The following EYS variants were observed in gnomAD, a reference collection of about 807,000 sequenced individuals.
EYS encodes protein eyes shut homolog.
EYS carries 250 observed loss-of-function variants against 282.1 expected under a neutral mutation model. The ratio of observed to expected loss-of-function variants is 0.89; its 90% CI spans 0.80 to 0.98. The LOEUF (loss-of-function observed/expected upper bound fraction) is 0.98, where lower values mean the gene tolerates loss of function less well. Among genes scored for constraint, EYS ranks in the 50% least tolerant of loss-of-function variants. The pLI is 0.00. For missense variants in EYS, 4,016 were observed against 3,709.0 expected, an observed-to-expected ratio of 1.08 and a Z score of -2.15; for synonymous variants, 1,355 against 1,282.9, an observed-to-expected ratio of 1.06 and a Z score of -1.20.
chr6:64,629,781 A>C (rs1767722145), intron 22 of EYS, among the ~76,000 whole-genome samples: 1 of 152,148 alleles, frequency 6.6e-6, no homozygotes, highest in African/African-American at 2.4e-5. Context: ...TTTTTCAAAA[A>C]TAGTAGAGGG....
Position 63,908,012 on chromosome 6 carries a change from G to GTATATATA in EYS, c.7056-43662_7056-43655dup, listed in dbSNP as rs57451331. The stretch of plus-strand genomic sequence containing the variant: ...TACACACACACACACACACACAAAC[G>GTATATATA]TATATATATATATATATATACGTTT... On this transcript the variant is annotated intron_variant, in intron 35 of 42. Transcript: ENST00000503581. Among the ~76,000 whole-genome samples, 1,194 of 131,128 alleles carry GTATATATA rather than the reference G, an allele frequency of 9.1e-3. 16 individuals are homozygous for GTATATATA. Among genetic ancestry groups the GTATATATA allele is most frequent in the African/African-American group, 0.031 (1,077 of 34,684 alleles). 86.0% of individuals were successfully genotyped at this position (131,128 alleles called of 152,430 possible).
chr6:64,201,121 G>A (rs1452456424), intron 31 of EYS, among the ~76,000 whole-genome samples: 1 of 152,046 alleles, frequency 6.6e-6, no homozygotes, highest in Non-Finnish European at 1.5e-5. Flanking sequence ...TTTGCCAGAT[G>A]AAGGAGAGTT....
chr6:64,553,378 T>G (rs1002791416), intron 26 of EYS, among the ~76,000 whole-genome samples: 9 of 152,162 alleles, frequency 5.9e-5, no homozygotes, highest in African/African-American at 2.2e-4. Context: ...AGCTTTCTAT[T>G]TATAGTATGC....
At chr6:64,923,092 T>C (rs1194720409) in intron 15 of EYS, among the ~76,000 whole-genome samples, 1 of 151,974 alleles carries the variant, frequency 6.6e-6, no homozygotes, top group Non-Finnish European at 1.5e-5. Flanking sequence ...CTTCTGGGTA[T>C]GTTTAGTGGC....
At chr6:63,975,919 A>C (rs1335639114) in intron 35 of EYS, among the ~76,000 whole-genome samples, 2 of 151,916 alleles carry the variant, frequency 1.3e-5, no homozygotes. Context: ...ACTTATACAA[A>C]CCCAGATGGC....
chr6:63,721,903 A>C lies in EYS; in HGVS notation c.8234-106T>G, dbSNP rs980695759. The C allele has an allele frequency of 1.4e-5, 14 of 1,008,206 alleles. No individual in the cohort carries two copies. In the Admixed American group the frequency reaches 2.6e-4, roughly 18 times the overall value. 62.5% of individuals were successfully genotyped at this position (1,008,206 alleles called of 1,614,324 possible). On this transcript the variant is annotated intron_variant, in intron 42 of 42. Transcript: ENST00000503581. ...GATAAGTTTTAGTTATGGGGAAAAA[A>C]GTAACAGATCTTGAGCACAATTGTG...
intron 31 of EYS, among the ~76,000 whole-genome samples, chr6:64,228,532 T>TC (rs1766319727): frequency 6.6e-6 from 1 of 152,182 alleles, no homozygotes; most frequent in Non-Finnish European, 1.5e-5. Flanking sequence ...TGTCTGATTA[T>TC]CATGTACTTT....
chr6:65,647,079 AC>A (rs764850610), intron 1 of EYS, among the ~76,000 whole-genome samples: 1 of 152,160 alleles, frequency 6.6e-6, no homozygotes, highest in Non-Finnish European at 1.5e-5. Context: ...CATGAAAATG[AC>A]CATACTGCCA....
chr6:64,842,270 G>A (rs1385524416), intron 19 of EYS, among the ~76,000 whole-genome samples: 1 of 151,182 alleles, frequency 6.6e-6, no homozygotes, highest in Non-Finnish European at 1.5e-5. Context: ...GATTGATCTG[G>A]TATGCCATTA....
intron 9 of EYS, among the ~76,000 whole-genome samples, chr6:65,352,702 C>T (rs1431120795): frequency 1.3e-5 from 2 of 151,894 alleles, no homozygotes; most frequent in African/African-American, 2.4e-5. Flanking sequence ...AACTCCCTAG[C>T]TTTTTTCCTT....
At chr6:65,012,619 G>T (rs1583396689) in intron 13 of EYS, among the ~76,000 whole-genome samples, 1 of 151,990 alleles carries the variant, frequency 6.6e-6, no homozygotes, top group African/African-American at 2.4e-5. Context: ...AATTACAAAA[G>T]CCAAGTGTCC....
In EYS at chr6:64,000,168, CTTTTTTTTTTTTTTTTTTTTT is replaced by C. The variant is rs71551553; in HGVS notation, c.6726-1006_6726-986del. Among the ~76,000 whole-genome samples, 306 of 42,724 alleles carry C rather than the reference CTTTTTTTTTTTTTTTTTTTTT, an allele frequency of 7.2e-3. 4 individuals carry two copies. The highest frequency in any genetic ancestry group is 0.012 in the Non-Finnish European group (262 of 22,768). The allele number at this position is 42,724 out of a possible 152,430, so 28.0% of individuals were successfully genotyped here. ...CTGAGGAGTTTCCCAAGACATGGGA[CTTTTTTTTTTTTTTTTTTTTT>C]TTTTTTTTTTTTTTTTTTTTTAGAC... is the stretch of plus-strand genomic sequence containing the variant. On this transcript the variant is annotated intron_variant, in intron 33 of 42. Transcript: ENST00000503581.
intron 19 of EYS, among the ~76,000 whole-genome samples, chr6:64,861,876 C>T (rs1347942951): frequency 2.6e-5 from 4 of 152,122 alleles, no homozygotes; most frequent in Admixed American, 2.0e-4. Flanking sequence ...TCTTTCTTTA[C>T]ATAGATTTTG....
intron 34 of EYS, among the ~76,000 whole-genome samples, chr6:63,990,960 A>G (rs1258421469): frequency 2.0e-5 from 3 of 151,642 alleles, no homozygotes; most frequent in Non-Finnish European, 4.4e-5. Context: ...TCAGAATGTT[A>G]CAAGAGACTA....
intron 1 of EYS, among the ~76,000 whole-genome samples, chr6:65,649,298 A>G (rs759527250): frequency 2.6e-5 from 4 of 152,034 alleles, no homozygotes; most frequent in Non-Finnish European, 5.9e-5. Context: ...ACGCCTTTTC[A>G]AAGACCTTAA....
In EYS at chr6:64,902,134, G is replaced by A; in HGVS notation, c.2825C>T (p.Thr942Ile). Residue 942 changes from threonine (T) to isoleucine (I), a missense_variant, in exon 18 of 43, where the codon ACA (threonine) becomes ATA (isoleucine). Coordinates refer to ENST00000503581, the MANE Select transcript of EYS (RefSeq NM_001142800.2). ...TCACCTGTTTGTCAGATCCACACATGTTCCATTATTTTTGCAAGGTTCAGA... is the reference window on the plus strand; with the variant it reads ...TCACCTGTTTGTCAGATCCACACATATTCCATTATTTTTGCAAGGTTCAGA... ...CSSEPCKNNGTCVDLTNRFFC... is the reference protein window; with the variant it reads ...CSSEPCKNNGICVDLTNRFFC... 6.5e-7 allele frequency: 1 copy of A among 1,546,888 alleles called. No homozygotes were observed. The highest frequency in any genetic ancestry group is 1.2e-5 in the South Asian group (1 of 82,660).
intron 13 of EYS, among the ~76,000 whole-genome samples, chr6:65,031,159 A>C (rs1772590749): frequency 8.8e-6 from 1 of 113,834 alleles, no homozygotes; most frequent in African/African-American, 3.0e-5. Context: ...ATATATATAT[A>C]CACACACACG....
At chr6:65,242,397 G>C (rs1562045067) in intron 12 of EYS, among the ~76,000 whole-genome samples, 1 of 152,100 alleles carries the variant, frequency 6.6e-6, no homozygotes, top group East Asian at 1.9e-4. Context: ...CTTTGTGACT[G>C]TCTTGTTTTT....
At chr6:65,061,108 G>A (rs1773562186) in intron 12 of EYS, among the ~76,000 whole-genome samples, 1 of 151,962 alleles carries the variant, frequency 6.6e-6, no homozygotes, top group East Asian at 1.9e-4. Context: ...CAATTTCAGA[G>A]TGTGTTCCAC....
Sources: allele counts gnomAD v4.1 joint callset (sites outside exome capture counted in the v4.1 genomes callset), GRCh38; gene constraint gnomAD v4.1.1; transcripts MANE v1.5; gene names NCBI Gene and HGNC (gene_info 2026-07-23, HGNC 2026-07-21).